The following PTPRR variants were observed in gnomAD, a reference collection of about 807,000 sequenced individuals.
PTPRR encodes the protein protein tyrosine phosphatase receptor type R.
Under a neutral mutation model 77.2 loss-of-function variants are expected in PTPRR, and 38 were observed. That is an observed-to-expected ratio of 0.49 (90% CI 0.38 to 0.65). PTPRR has a LOEUF of 0.65. Among genes scored for constraint, PTPRR ranks in the 30% least tolerant of loss-of-function variants. The pLI, the probability that PTPRR is intolerant of heterozygous loss-of-function variation, is 0.00. For synonymous variants in PTPRR, 299 were observed against 283.1 expected (o/e 1.06, Z -0.57); for missense variants, 744 against 799.2 (o/e 0.93, Z 0.83).
intron 6 of PTPRR, among the ~76,000 whole-genome samples, chr12:70,731,651 G>T (rs1451751648): frequency 6.6e-6 from 1 of 152,338 alleles, no homozygotes; most frequent in East Asian, 1.9e-4. Context: ...ACCCGTGAAG[G>T]AGGTGGCAAG....
chr12:70,832,510 T>G (rs1437143316), intron 2 of PTPRR, among the ~76,000 whole-genome samples: 1 of 152,088 alleles, frequency 6.6e-6, no homozygotes, highest in East Asian at 1.9e-4. Flanking sequence ...GGGTGGTGAG[T>G]GCTTAGTGGG....
intron 5 of PTPRR, among the ~76,000 whole-genome samples, chr12:70,747,448 A>G (rs1409545434): frequency 6.6e-6 from 1 of 152,236 alleles, no homozygotes; most frequent in Non-Finnish European, 1.5e-5. Context: ...TAAATATAAT[A>G]TGCATATGAG....
chr12:70,721,597 C>A (rs1889255800), intron 6 of PTPRR, among the ~76,000 whole-genome samples: 1 of 136,476 alleles, frequency 7.3e-6, no homozygotes, highest in African/African-American at 3.7e-5. Context: ...AGGGCCTTGG[C>A]AAATGCAGTT....
intron 2 of PTPRR, among the ~76,000 whole-genome samples, chr12:70,860,075 C>T (rs897951714): frequency 3.3e-5 from 5 of 151,972 alleles, no homozygotes; most frequent in East Asian, 1.9e-4. Flanking sequence ...CACAGGTCTT[C>T]GCTTTCACAA....
chr12:70,780,593 A>G (rs181962893), intron 2 of PTPRR, among the ~76,000 whole-genome samples: 6 of 152,268 alleles, frequency 3.9e-5, no homozygotes, highest in Admixed American at 3.9e-4. Flanking sequence ...TATAATGTAC[A>G]TATGCATATA....
At chr12:70,773,734 C>A (rs1016697929) in intron 2 of PTPRR, among the ~76,000 whole-genome samples, 3 of 152,316 alleles carry the variant, frequency 2.0e-5, no homozygotes, top group African/African-American at 7.2e-5. Context: ...TCTCTCTTAA[C>A]AGAATGTTAT....
At chr12:70,902,478 A>G (rs1565736321) in intron 1 of PTPRR, among the ~76,000 whole-genome samples, 1 of 151,784 alleles carries the variant, frequency 6.6e-6, no homozygotes, top group African/African-American at 2.4e-5. Flanking sequence ...AGATACTGAG[A>G]TATATAATCT....
At chr12:70,769,974 G>C (rs1214661287) in intron 2 of PTPRR, among the ~76,000 whole-genome samples, 6 of 152,058 alleles carry the variant, frequency 3.9e-5, no homozygotes, top group East Asian at 1.9e-4. Flanking sequence ...AGCTGAAACT[G>C]GATCCCTTCC....
chr12:70,838,695 A>G (rs945761163), intron 2 of PTPRR, among the ~76,000 whole-genome samples: 1 of 152,208 alleles, frequency 6.6e-6, no homozygotes, highest in Non-Finnish European at 1.5e-5. Flanking sequence ...AGGCTAGTGA[A>G]GCTACCATGA....
chr12:70,662,851 C>T (rs561511406), intron 10 of PTPRR, among the ~76,000 whole-genome samples: 152 of 151,356 alleles, frequency 1.0e-3, no homozygotes, highest in African/African-American at 3.6e-3. Flanking sequence ...CTATTAAACA[C>T]TGTCACTGCT....
chr12:70,782,319 C>T (rs1891219912), intron 2 of PTPRR, among the ~76,000 whole-genome samples: 1 of 152,062 alleles, frequency 6.6e-6, no homozygotes, highest in Non-Finnish European at 1.5e-5. Flanking sequence ...TACCATTTGA[C>T]CCAGCCATCC....
intron 2 of PTPRR, among the ~76,000 whole-genome samples, chr12:70,796,729 A>T (rs1008752292): frequency 6.6e-6 from 1 of 151,162 alleles, no homozygotes; most frequent in Non-Finnish European, 1.5e-5. Context: ...GGTGTGATTT[A>T]AAAAAAAAAT....
intron 2 of PTPRR, among the ~76,000 whole-genome samples, chr12:70,838,556 G>C (rs1892342767): frequency 1.3e-5 from 2 of 152,158 alleles, no homozygotes; most frequent in South Asian, 4.1e-4. Context: ...TGGAATTTCA[G>C]GTTATTTGGT....
chr12:70,725,365 A>G (rs539292629), intron 6 of PTPRR, among the ~76,000 whole-genome samples: 1 of 152,180 alleles, frequency 6.6e-6, no homozygotes, highest in East Asian at 1.9e-4. Flanking sequence ...TCAATTGTGA[A>G]CAATTACCCT....
At chr12:70,787,771 C>G (rs1294239396) in intron 2 of PTPRR, among the ~76,000 whole-genome samples, 1 of 152,048 alleles carries the variant, frequency 6.6e-6, no homozygotes, top group African/African-American at 2.4e-5. Context: ...TTTATTTGGG[C>G]CATCTTGATG....
In PTPRR at chr12:70,882,616, A is replaced by ATT. The variant is rs35120048; in HGVS notation, c.357+10061_357+10062dup. Among the ~76,000 whole-genome samples the ATT allele has an allele frequency of 2.2e-3, 327 of 149,870 alleles. 2 individuals are homozygous for ATT. The highest frequency in any genetic ancestry group is 6.8e-3 in the African/African-American group (279 of 40,992). ...GGAATATGATGATTGAGTAAGACCCATTTTTTTTTTAATTTGCCAAAATCT... is the reference window on the plus strand; with the variant it reads ...GGAATATGATGATTGAGTAAGACCCATTTTTTTTTTTTAATTTGCCAAAATCT... On this transcript the variant is annotated intron_variant, in intron 2 of 13. Transcript: ENST00000283228.
At chr12:70,880,353 A>T (rs2137103214) in intron 2 of PTPRR, among the ~76,000 whole-genome samples, 2 of 152,278 alleles carry the variant, frequency 1.3e-5, no homozygotes, top group South Asian at 4.1e-4. Context: ...GGATCCTAAC[A>T]CAGTTCTACT....
At chr12:70,777,795 C>A (rs532375244) in intron 2 of PTPRR, among the ~76,000 whole-genome samples, 5 of 152,134 alleles carry the variant, frequency 3.3e-5, no homozygotes, top group African/African-American at 2.4e-5. Flanking sequence ...CAGATCACTG[C>A]GTGGAGAAGA....
intron 2 of PTPRR, among the ~76,000 whole-genome samples, chr12:70,824,298 A>T (rs1892072167): frequency 6.6e-6 from 1 of 152,184 alleles, no homozygotes; most frequent in African/African-American, 2.4e-5. Context: ...CACTTAACAA[A>T]TACTTTTCTT....
Sources: gnomAD v4.1 joint callset for allele counts (sites outside exome capture counted in the v4.1 genomes callset) on GRCh38, gnomAD v4.1.1 for gene constraint, MANE v1.5 for transcripts, NCBI Gene and HGNC (gene_info 2026-07-23, HGNC 2026-07-21) for gene names.